Variants in ELAVL1 observed in about 807,000 individuals in gnomAD.
ELAVL1 encodes the protein ELAV like RNA binding protein 1, also known as ELAV-like protein 1.
In ELAVL1, 1 loss-of-function variant was observed where a neutral mutation model predicts 28.4. That is an observed-to-expected ratio of 0.04 (90% CI 0.01 to 0.17). The LOEUF (loss-of-function observed/expected upper bound fraction) is 0.17. Among genes scored for constraint, ELAVL1 ranks in the 10% least tolerant of loss-of-function variants. The pLI is 1.00. For missense variants in ELAVL1, 157 were observed against 447.2 expected (o/e 0.35, Z 5.85); for synonymous variants, 174 against 183.5 (o/e 0.95, Z 0.42).
chr19:7,971,064 T>C (rs1260348925), intron 4 of ELAVL1, among the ~76,000 whole-genome samples: 2 of 152,130 alleles, frequency 1.3e-5, no homozygotes, highest in Non-Finnish European at 1.5e-5. Context: ...CCCTCACTGC[T>C]CTGCAAAGAT....
chr19:7,997,859 G>C (rs778951195), intron 1 of ELAVL1, among the ~76,000 whole-genome samples: 2 of 152,114 alleles, frequency 1.3e-5, no homozygotes, highest in Non-Finnish European at 2.9e-5. Context: ...GCTCAGCTGG[G>C]AGGATCACTA....
At chr19:7,980,996 T>G in intron 3 of ELAVL1, 87 bp downstream of exon 3, 1 of 1,347,846 alleles carries the variant, frequency 7.4e-7, no homozygotes, top group Non-Finnish European at 1.1e-6. Flanking sequence ...CATAGTCCCT[T>G]GGAGAGTGAC....
intron 2 of ELAVL1, among the ~76,000 whole-genome samples, chr19:7,985,077 GC>G (rs1287272036): frequency 6.6e-6 from 1 of 152,170 alleles, no homozygotes; most frequent in Non-Finnish European, 1.5e-5. Context: ...ACGCCACCAT[GC>G]CCAGCTAATT....
chr19:8,003,904 G>C (rs1371765622), intron 1 of ELAVL1, among the ~76,000 whole-genome samples: 1 of 152,046 alleles, frequency 6.6e-6, no homozygotes, highest in Non-Finnish European at 1.5e-5. Context: ...GAAAATATTC[G>C]ATGACAACTG....
At chr19:7,972,009 A>AGG (rs751064240) in intron 4 of ELAVL1, among the ~76,000 whole-genome samples, 1 of 152,198 alleles carries the variant, frequency 6.6e-6, no homozygotes, top group African/African-American at 2.4e-5. Context: ...TCTCAAAAAG[A>AGG]GGTCACCTCA....
In ELAVL1 at chr19:7,981,327, G is replaced by T; in HGVS notation, c.173-141C>A. 1 of 677,444 alleles carries T rather than the reference G, an allele frequency of 1.5e-6. No individual in the cohort carries two copies. Among genetic ancestry groups the T allele is most frequent in the South Asian group, 1.8e-5 (1 of 56,426 alleles). The allele number at this position is 677,444 out of a possible 1,614,324, so 42.0% of individuals were successfully genotyped here. On this transcript the variant is annotated intron_variant, in intron 2 of 5. Coordinates refer to ENST00000407627, the MANE Select transcript of ELAVL1 (RefSeq NM_001419.3). This position sits in a 1 kb window ranked among gnomAD's most constrained non-coding sequence, Gnocchi z 4.2. ...AAACTTTATTTTCTTTGGCAAACAC[G>T]TACATTTTCTGCAATGAACACAGGT...
intron 1 of ELAVL1, among the ~76,000 whole-genome samples, chr19:7,993,881 C>T (rs1359634982): frequency 6.6e-6 from 1 of 152,156 alleles, no homozygotes; most frequent in African/African-American, 2.4e-5. Flanking sequence ...AGATTTCCTA[C>T]CTACTCCCTG....
In ELAVL1 at chr19:7,964,201, G is replaced by A. The variant is rs533140441; in HGVS notation, c.657-394C>T. On this transcript the variant is annotated intron_variant, in intron 5 of 5. Coordinates refer to ENST00000407627, the MANE Select transcript of ELAVL1 (RefSeq NM_001419.3). ...GTTCTCCCTGGAGGAAACTCTCCTC[G>A]TACTGTGGGGTACGTGCAGGGGCTG... Among the ~76,000 whole-genome samples, 54 of 152,192 alleles carry A rather than the reference G, an allele frequency of 3.5e-4. 1 individual carries two copies. The highest frequency in any genetic ancestry group is 4.9e-4 in the Non-Finnish European group (33 of 68,038).
At chr19:7,969,925 T>C (rs1464105140) in intron 4 of ELAVL1, among the ~76,000 whole-genome samples, 1 of 152,178 alleles carries the variant, frequency 6.6e-6, no homozygotes, top group Admixed American at 6.5e-5. Context: ...GTATACTTTC[T>C]GAAGATGGCT....
chr19:7,989,316 A>C (rs1468750772), intron 2 of ELAVL1, among the ~76,000 whole-genome samples: 4 of 152,200 alleles, frequency 2.6e-5, no homozygotes, highest in African/African-American at 9.6e-5. Context: ...CCAAGATGAA[A>C]GCCCAGGCCC....
intron 1 of ELAVL1, among the ~76,000 whole-genome samples, chr19:8,001,736 G>T (rs966672178): frequency 1.3e-5 from 2 of 152,008 alleles, no homozygotes; most frequent in African/African-American, 4.8e-5. Context: ...AGCTGTTGGG[G>T]TTACAGGTGT....
intron 4 of ELAVL1, among the ~76,000 whole-genome samples, chr19:7,971,935 G>A (rs1355824258): frequency 6.6e-6 from 1 of 152,244 alleles, no homozygotes. Context: ...TGCAGGCCAG[G>A]AAGGCCCCAC....
At chr19:7,986,567 A>G (rs989219474) in intron 2 of ELAVL1, among the ~76,000 whole-genome samples, 2 of 152,202 alleles carry the variant, frequency 1.3e-5, no homozygotes, top group African/African-American at 4.8e-5. Flanking sequence ...AGCGTCCCCT[A>G]GAGAGCGAGT....
rs1330811314 is a variant in ELAVL1, at chr19:7,975,020, G to A, written c.277-1142C>T. Among the ~76,000 whole-genome samples the A allele has an allele frequency of 5.9e-5, 9 of 152,290 alleles. No individual in the cohort carries two copies. The East Asian group carries it at 9.7e-4, about 16-fold the overall frequency. Reference sequence around the variant, plus strand: ...GCTCTGCCTGGTAGCGGTGGGAATCGAGGGAGCATGTCACTACGGAGCCCA... The same window carrying A: ...GCTCTGCCTGGTAGCGGTGGGAATCAAGGGAGCATGTCACTACGGAGCCCA... On this transcript the variant is annotated intron_variant, in intron 3 of 5. Coordinates refer to ENST00000407627, the MANE Select transcript of ELAVL1 (RefSeq NM_001419.3).
At chr19:7,991,943 T>TTG (rs1985763246) in intron 1 of ELAVL1, 112 bp from the exon 2 acceptor site, 2 of 1,044,090 alleles carry the variant, frequency 1.9e-6, no homozygotes, top group Non-Finnish European at 2.6e-6. Flanking sequence ...TTTTTTTTTT[T>TTG]TTTTGTTTTG....
chr19:8,003,186 G>A lies in ELAVL1; in HGVS notation c.-17+2309C>T, dbSNP rs906822424. ...GTGGATCACCTGAGGTCAGGAGTTC[G>A]AGACCAGCCTGCTCAACAAGGCGAA... is the stretch of plus-strand genomic sequence containing the variant. On this transcript the variant is annotated intron_variant, in intron 1 of 5. Transcript: ENST00000407627. Among the ~76,000 whole-genome samples the A allele has an allele frequency of 8.0e-5, 12 of 150,452 alleles. 1 individual carries two copies. The South Asian group carries it at 2.5e-3, about 32-fold the overall frequency.
intron 4 of ELAVL1, among the ~76,000 whole-genome samples, chr19:7,970,066 C>T (rs1190502025): frequency 6.6e-6 from 1 of 151,812 alleles, no homozygotes; most frequent in Non-Finnish European, 1.5e-5. Context: ...TCCACCTCCC[C>T]GGTTCAAGTG....
intron 2 of ELAVL1, among the ~76,000 whole-genome samples, chr19:7,984,183 C>T (rs1356350360): frequency 6.6e-6 from 1 of 152,180 alleles, no homozygotes; most frequent in Admixed American, 6.5e-5. Flanking sequence ...AAGGAGCTGA[C>T]GCATTAACTG....
At chr19:7,990,602 G>A (rs889878343) in intron 2 of ELAVL1, among the ~76,000 whole-genome samples, 8 of 152,094 alleles carry the variant, frequency 5.3e-5, no homozygotes, top group African/African-American at 1.4e-4. Flanking sequence ...TTCTGAGCAA[G>A]TGATCCTCCC....
Sources: allele counts gnomAD v4.1 joint callset (sites outside exome capture counted in the v4.1 genomes callset), GRCh38; gene constraint gnomAD v4.1.1; non-coding constraint Gnocchi (gnomAD v3.1); transcripts MANE v1.5; gene names NCBI Gene and HGNC (gene_info 2026-07-23, HGNC 2026-07-21).